Variants in ZNF335 observed in about 807,000 individuals in gnomAD.
ZNF335 encodes NRC-interacting factor 1.
Under a neutral mutation model 145.6 loss-of-function variants are expected in ZNF335, and 84 were observed. The ratio of observed to expected loss-of-function variants is 0.58; its 90% confidence interval spans 0.48 to 0.69. The LOEUF (loss-of-function observed/expected upper bound fraction) is 0.69, where lower values mean the gene tolerates loss of function less well. Among genes scored for constraint, ZNF335 ranks in the 30% least tolerant of loss-of-function variants. ZNF335 has a pLI of 0.00. For missense variants in ZNF335, 1,865 were observed against 1,809.7 expected (o/e 1.03, Z -0.55); for synonymous variants, 761 against 717.0 (o/e 1.06, Z -0.98).
rs1262780465 is a variant in ZNF335 at position 45,949,178 on chromosome 20, G to A, written c.3893C>T (p.Ala1298Val). Residue 1298 changes from alanine to valine, a missense_variant, in exon 27 of 28, where the codon GCT (alanine) becomes GTT (valine). By Grantham distance (64) the Ala-to-Val change is moderately conservative. Coordinates refer to ENST00000322927, the MANE Select transcript of ZNF335 (RefSeq NM_022095.4). ...QAQLEAAAHS[A>V]VTAVADAAMA... is the part of the protein sequence containing the mutation. ...AGGATCCAGCTCCATACCTGTGACAGCTGAGTGTGCTGCAGCCTCAAGTTG... is the reference window on the plus strand; with the variant it reads ...AGGATCCAGCTCCATACCTGTGACAACTGAGTGTGCTGCAGCCTCAAGTTG... 6.2e-7 allele frequency: 1 copy of A among 1,613,736 alleles called. No individual in the cohort carries two copies. The highest frequency in any genetic ancestry group is 1.6e-4 in the Middle Eastern group (1 of 6,062).
intron 4 of ZNF335, 66 bp downstream of exon 4, chr20:45,968,219 G>T: frequency 6.4e-7 from 1 of 1,564,566 alleles, no homozygotes; most frequent in Non-Finnish European, 8.8e-7. Flanking sequence ...ATCCGCGGCA[G>T]AACCTGTCCT....
intron 3 of ZNF335, chr20:45,968,748 A>G (rs1421574440): frequency 9.3e-6 from 2 of 214,310 alleles, no homozygotes; most frequent in African/African-American, 4.5e-5. Context: ...GAGGTGCTAT[A>G]GCCTCTATAA....
At chr20:45,956,625 T>G (rs2083733627) in intron 17 of ZNF335, among the ~76,000 whole-genome samples, 1 of 151,514 alleles carries the variant, frequency 6.6e-6, no homozygotes, top group African/African-American at 2.4e-5. Flanking sequence ...AGAACAGAAC[T>G]CAAGTCTAGA....
At position 45,948,802 on chromosome 20, in the gene ZNF335, C is replaced by CCAA. The variant is rs1244997729; in HGVS notation, c.*148_*150dup. The stretch of plus-strand genomic sequence containing the variant: ...CTGGGGCCCATGGCTGCCCCTAACC[C>CCAA]CAACAGCACAGGTCTGGCTCCCTGG... On this transcript the variant is annotated 3_prime_UTR_variant, in exon 28 of 28. Coordinates refer to ENST00000322927, the MANE Select transcript of ZNF335 (RefSeq NM_022095.4). The CCAA allele has an allele frequency of 5.3e-6, 7 of 1,312,558 alleles. No homozygotes were observed. 81.3% of individuals were successfully genotyped at this position (1,312,558 alleles called of 1,614,324 possible).
chr20:45,963,014 T>C (rs2083877683), intron 9 of ZNF335, among the ~76,000 whole-genome samples: 1 of 151,962 alleles, frequency 6.6e-6, no homozygotes, highest in African/African-American at 2.4e-5. Flanking sequence ...GGTTTCTCCA[T>C]GTTGGCCAAG....
Position 45,949,986 on chromosome 20 carries a change from C to T in ZNF335, c.3571G>A (p.Glu1191Lys). 2 of 1,614,162 alleles carry T rather than the reference C, an allele frequency of 1.2e-6. No individual in the cohort carries two copies. The highest frequency in any genetic ancestry group is 1.7e-6 in the Non-Finnish European group (2 of 1,180,032). ...LSQEHIIVAQEQTVTNQEEAA... is the reference protein window; with the variant it reads ...LSQEHIIVAQKQTVTNQEEAA... The stretch of plus-strand genomic sequence containing the variant: ...CTTACCTGATTGGTCACTGTCTGTT[C>T]CTGGGCAACGATGATGTGTTCCTGG... The change falls in exon 23 of 28, where the codon GAA becomes AAA. Residue 1191 changes from glutamate (E) to lysine (K), a missense_variant. Coordinates refer to ENST00000322927, the MANE Select transcript of ZNF335 (RefSeq NM_022095.4).
In ZNF335 at chr20:45,950,527, G is replaced by C; in HGVS notation, c.3258C>G (p.Asn1086Lys). Reference protein sequence around the residue: ...QCSQCSFASKNKKDLRRHMLT... With the variant: ...QCSQCSFASKKKKDLRRHMLT... ...GCATGTGCCGACGCAGGTCCTTCTT[G>C]TTCTTGGAGGCAAAGCTGCACTGGC... Residue 1086 changes from asparagine (N) to lysine (K), a missense_variant, in exon 21 of 28, where the codon AAC (asparagine) becomes AAG (lysine). By Grantham distance (94) the Asn-to-Lys change is moderately conservative. Transcript: ENST00000322927. 3 of 1,614,208 alleles carry C rather than the reference G, an allele frequency of 1.9e-6. No individual in the cohort carries two copies. The highest frequency in any genetic ancestry group is 2.5e-6 in the Non-Finnish European group (3 of 1,180,050).
At chr20:45,967,079 A>G (rs982028238) in intron 6 of ZNF335, 3 of 192,762 alleles carry the variant, frequency 1.6e-5, no homozygotes, top group Non-Finnish European at 2.2e-5. Flanking sequence ...ACCCGTTTCT[A>G]CAAAAATTAA....
intron 6 of ZNF335, 47 bp from the exon 7 acceptor site, chr20:45,965,821 C>T: frequency 6.4e-7 from 1 of 1,565,150 alleles, no homozygotes; most frequent in Non-Finnish European, 8.6e-7. Flanking sequence ...CGGGACCTGC[C>T]CTTTCAGCCC....
In ZNF335 at chr20:45,963,634, G is replaced by T. The variant is rs1306157186; in HGVS notation, c.1372C>A (p.Pro458Thr). The T allele has an allele frequency of 1.2e-6, 2 of 1,614,246 alleles. No individual in the cohort carries two copies. The change falls in exon 9 of 28, where the codon CCC (proline) becomes ACC (threonine). Residue 458 changes from proline to threonine, a missense_variant. Coordinates refer to ENST00000322927, the MANE Select transcript of ZNF335 (RefSeq NM_022095.4). ...AGGAAGGGCCTCAAAAGTGGTTTGGGCGACTTGTAATAGTACCTGCAGGAT... is the reference window on the plus strand; with the variant it reads ...AGGAAGGGCCTCAAAAGTGGTTTGGTCGACTTGTAATAGTACCTGCAGGAT... ...KKYRKYYYKSPKPLLRPFLCR... is the reference protein window; with the variant it reads ...KKYRKYYYKSTKPLLRPFLCR...
intron 3 of ZNF335, among the ~76,000 whole-genome samples, chr20:45,969,072 C>CA (rs1201509485): frequency 6.6e-6 from 1 of 152,194 alleles, no homozygotes; most frequent in Non-Finnish European, 1.5e-5. Flanking sequence ...TTGCTGGTGA[C>CA]AGTGGGTAAG....
chr20:45,952,249 A>G lies in ZNF335; in HGVS notation c.3087T>C (p.Pro1029=), dbSNP rs2083647315. Residue 1029 remains proline, a synonymous_variant, in exon 20 of 28, where the codon CCT becomes CCC. Coordinates refer to ENST00000322927, the MANE Select transcript of ZNF335 (RefSeq NM_022095.4). ...TGTGACTCTCCATCTCAGCTCGGCCAGGGAAGGCCTCGGCACAGATCTTGC... is the reference window on the plus strand; with the variant it reads ...TGTGACTCTCCATCTCAGCTCGGCCGGGGAAGGCCTCGGCACAGATCTTGC... The part of the protein sequence containing the change: ...FSCKICAEAF[P]GRAEMESHKR... The G allele has an allele frequency of 1.2e-6, 2 of 1,613,370 alleles. No individual in the cohort carries two copies. Among genetic ancestry groups the G allele is most frequent in the Non-Finnish European group, 1.7e-6 (2 of 1,180,028 alleles).
chr20:45,954,630 T>C (rs1271661014), intron 17 of ZNF335, among the ~76,000 whole-genome samples: 1 of 152,042 alleles, frequency 6.6e-6, no homozygotes, highest in Non-Finnish European at 1.5e-5. Flanking sequence ...TTCCCTCATA[T>C]ATGGAGCTCC....
At chr20:45,964,117 G>T in intron 7 of ZNF335, 127 bp from the exon 8 acceptor site, 2 of 1,174,194 alleles carry the variant, frequency 1.7e-6, no homozygotes, top group Non-Finnish European at 1.2e-6. Context: ...GGTGCATTGA[G>T]TCACATGACA....
chr20:45,962,672 T>C (rs888538567), intron 9 of ZNF335, among the ~76,000 whole-genome samples: 4 of 152,116 alleles, frequency 2.6e-5, no homozygotes, highest in African/African-American at 7.2e-5. Context: ...TGGGGGTCAG[T>C]AGAATGGGAC....
Position 45,948,941 on chromosome 20 carries a change from G to C in ZNF335, c.*12C>G. On this transcript the variant is annotated 3_prime_UTR_variant, in exon 28 of 28. Coordinates refer to ENST00000322927, the MANE Select transcript of ZNF335 (RefSeq NM_022095.4). Reference sequence around the variant, plus strand: ...GGCCGCAAATCCATGATCTGTGTTGGGCCCTCGGGGCTCAGTCATCGGCCA... The same window carrying C: ...GGCCGCAAATCCATGATCTGTGTTGCGCCCTCGGGGCTCAGTCATCGGCCA... 6.2e-7 allele frequency: 1 copy of C among 1,613,788 alleles called. No individual in the cohort carries two copies. The highest frequency in any genetic ancestry group is 8.5e-7 in the Non-Finnish European group (1 of 1,180,024).
chr20:45,956,683 C>T (rs2083734661), intron 17 of ZNF335, among the ~76,000 whole-genome samples: 1 of 151,480 alleles, frequency 6.6e-6, no homozygotes, highest in South Asian at 2.1e-4. Context: ...GAGGACACTT[C>T]AAACCACAGG....
chr20:45,965,640 C>T lies in ZNF335; in HGVS notation c.1090G>A (p.Asp364Asn), dbSNP rs763610106. The change falls in exon 7 of 28, where the codon GAC (aspartate) becomes AAC (asparagine). Residue 364 changes from aspartate (D) to asparagine (N), a missense_variant. Transcript: ENST00000322927. ...GACCAAGCCTCACCATCTGGGAGGTCTGAGATCTCCAGGCGGGGCAGCTTC... is the reference window on the plus strand; with the variant it reads ...GACCAAGCCTCACCATCTGGGAGGTTTGAGATCTCCAGGCGGGGCAGCTTC... ...PRKLPRLEIS[D>N]LPDGVEGEPL... is the part of the protein sequence containing the mutation. 1.9e-6 allele frequency: 3 copies of T among 1,600,224 alleles called. No individual in the cohort carries two copies. The highest frequency in any genetic ancestry group is 2.6e-6 in the Non-Finnish European group (3 of 1,174,440).
intron 9 of ZNF335, among the ~76,000 whole-genome samples, chr20:45,962,812 TTTG>T (rs1253123519): frequency 1.5e-4 from 14 of 95,272 alleles, no homozygotes; most frequent in Non-Finnish European, 2.5e-4. Flanking sequence ...TTTTTTTTTT[TTTG>T]TTTGTTTGTT....
Sources: allele counts gnomAD v4.1 joint callset (sites outside exome capture counted in the v4.1 genomes callset), GRCh38; gene constraint gnomAD v4.1.1; transcripts MANE v1.5; gene names NCBI Gene and HGNC (gene_info 2026-07-23, HGNC 2026-07-21).